The following ROS1 variants were observed in gnomAD, a reference collection of about 807,000 sequenced individuals.
ROS1 encodes ROS proto-oncogene 1, receptor tyrosine kinase, also known as proto-oncogene tyrosine-protein kinase ROS.
Under a neutral mutation model 273.5 loss-of-function variants are expected in ROS1, and 263 were observed. The ratio of observed to expected loss-of-function variants is 0.96; its 90% CI spans 0.87 to 1.06. The LOEUF (loss-of-function observed/expected upper bound fraction) is 1.06, where lower values mean the gene tolerates loss of function less well. Among genes scored for constraint, ROS1 ranks in the 50% least tolerant of loss-of-function variants. The pLI is 0.00. For missense variants in ROS1, 2,833 were observed against 2,751.1 expected (o/e 1.03, Z -0.67); for synonymous variants, 1,008 against 954.1 (o/e 1.06, Z -1.04).
intron 24 of ROS1, among the ~76,000 whole-genome samples, chr6:117,359,183 TACC>T (rs1779575212): frequency 6.6e-6 from 1 of 152,188 alleles, no homozygotes; most frequent in African/African-American, 2.4e-5. Flanking sequence ...TTTTCCATTC[TACC>T]ACCACCAAGC....
At chr6:117,313,569 T>A (rs142184481) in intron 39 of ROS1, among the ~76,000 whole-genome samples, 3,944 of 148,412 alleles carry the variant, frequency 0.027, 178 homozygotes, top group African/African-American at 0.092. Context: ...AAAGACTCTG[T>A]CCAAAAAAAA....
rs1202390995 is a variant in ROS1 at position 117,409,593 on chromosome 6, T to A, written c.305A>T (p.Glu102Val). 1 of 1,613,738 alleles carries A rather than the reference T, an allele frequency of 6.2e-7. No homozygotes were observed. Among genetic ancestry groups the A allele is most frequent in the Admixed American group, 1.7e-5 (1 of 59,972 alleles). Residue 102 changes from glutamate to valine, a missense_variant, in exon 5 of 44, where the codon GAG becomes GTG. Transcript: ENST00000368507. ...GTGTGTCCTCTTACCCAGTACTTCCTCTTCATATGCACCTTCCGCGCTGCT... is the reference window on the plus strand; with the variant it reads ...GTGTGTCCTCTTACCCAGTACTTCCACTTCATATGCACCTTCCGCGCTGCT... ...GCSSAEGAYE[E>V]EVLENADLPT...
chr6:117,403,070 A>G (rs924791997), intron 7 of ROS1, 69 bp downstream of exon 7: 1 of 1,537,306 alleles, frequency 6.5e-7, no homozygotes, highest in African/African-American at 1.4e-5. Flanking sequence ...TTCATTGTTT[A>G]AAATAAAAAC....
At chr6:117,369,551 G>A (rs1780574146) in intron 18 of ROS1, among the ~76,000 whole-genome samples, 4 of 151,440 alleles carry the variant, frequency 2.6e-5, no homozygotes, top group South Asian at 2.1e-4. Flanking sequence ...CAGCCTGGGC[G>A]ACAGAGCGAG....
chr6:117,387,959 AC>A lies in ROS1; in HGVS notation c.1819del (p.Val607Ter). 6.2e-7 allele frequency: 1 copy of A among 1,614,106 alleles called. No individual in the cohort carries two copies. Among genetic ancestry groups the A allele is most frequent in the East Asian group, 2.2e-5 (1 of 44,876 alleles). On this transcript the variant is annotated frameshift_variant, in exon 14 of 44. Coordinates refer to ENST00000368507, the MANE Select transcript of ROS1 (RefSeq NM_001378902.1). LOFTEE classifies it high-confidence loss of function. ...PSAWQNWTYE[V>X]KVSTQDPPEV... Reference sequence around the variant, plus strand: ...AGGAGGGTCTTGGGTGGATACTTTCACCTCATAGGTCCAGTTCTGCCAGGCA... The same window carrying A: ...AGGAGGGTCTTGGGTGGATACTTTCACTCATAGGTCCAGTTCTGCCAGGCA...
intron 11 of ROS1, among the ~76,000 whole-genome samples, chr6:117,393,753 TC>T (rs1012604462): frequency 1.3e-5 from 2 of 152,174 alleles, no homozygotes; most frequent in Non-Finnish European, 2.9e-5. Flanking sequence ...AAAATGGTCT[TC>T]CGAAAAGTAC....
chr6:117,317,589 T>G (rs905813046), intron 38 of ROS1, among the ~76,000 whole-genome samples: 2 of 152,134 alleles, frequency 1.3e-5, no homozygotes, highest in Non-Finnish European at 2.9e-5. Context: ...CATTGGGTTT[T>G]GGGTCATTAC....
At chr6:117,305,580 T>C (rs926277034) in intron 42 of ROS1, among the ~76,000 whole-genome samples, 3 of 152,186 alleles carry the variant, frequency 2.0e-5, no homozygotes, top group African/African-American at 4.8e-5. Context: ...TGTTCCACCA[T>C]GTAGGGACAA....
intron 12 of ROS1, 150 bp from the exon 13 acceptor site, chr6:117,389,996 T>G: frequency 1.5e-6 from 1 of 683,934 alleles, no homozygotes; most frequent in Non-Finnish European, 2.4e-6. Flanking sequence ...AAAAAGGTAA[T>G]TTCCTAAGAT....
chr6:117,302,829 C>T (rs1031362138), intron 42 of ROS1, among the ~76,000 whole-genome samples: 19 of 152,150 alleles, frequency 1.2e-4, no homozygotes, highest in African/African-American at 4.1e-4. Context: ...CTTTGTAATT[C>T]TCCCAAACTA....
At chr6:117,333,650 C>T (rs1203466366) in intron 32 of ROS1, among the ~76,000 whole-genome samples, 7 of 152,126 alleles carry the variant, frequency 4.6e-5, no homozygotes, top group South Asian at 4.1e-4. Flanking sequence ...ACGAACAAGT[C>T]GGCTTCATCC....
intron 16 of ROS1, among the ~76,000 whole-genome samples, chr6:117,383,724 T>C (rs1772344660): frequency 6.6e-6 from 1 of 152,208 alleles, no homozygotes; most frequent in African/African-American, 2.4e-5. Flanking sequence ...TTATCTGTTT[T>C]CATGCCTCCA....
At chr6:117,288,874 C>T (rs1773625286) in intron 43 of ROS1, 72 bp from the exon 44 acceptor site, 1 of 1,229,688 alleles carries the variant, frequency 8.1e-7, no homozygotes, top group Non-Finnish European at 1.1e-6. Context: ...CAAGCTATAT[C>T]AGAATTATAG....
At position 117,389,589 on chromosome 6, in the gene ROS1, T is replaced by A. The variant is rs761338135; in HGVS notation, c.1547A>T (p.Asn516Ile). The change falls in exon 13 of 44, where the codon AAT (asparagine) becomes ATT (isoleucine). Residue 516 changes from asparagine to isoleucine, a missense_variant. Transcript: ENST00000368507. ...ADVKSFACEN[N>I]DFLVTDGKVI... The stretch of plus-strand genomic sequence containing the variant: ...CTTGCCATCTGTGACAAGAAAGTCA[T>A]TGTTTTCACAAGCAAAACTTTTCAC... The A allele has an allele frequency of 6.2e-6, 10 of 1,614,228 alleles. No individual in the cohort carries two copies. In the South Asian group the frequency reaches 9.9e-5, roughly 16 times the overall value.
chr6:117,356,515 A>T, intron 26 of ROS1, 114 bp downstream of exon 26: 4 of 968,394 alleles, frequency 4.1e-6, no homozygotes, highest in Non-Finnish European at 6.0e-6. Flanking sequence ...GGCATGGTAC[A>T]GAGCAAATAT....
chr6:117,390,576 T>C (rs1772987008), intron 12 of ROS1, among the ~76,000 whole-genome samples: 2 of 152,262 alleles, frequency 1.3e-5, no homozygotes, highest in Non-Finnish European at 2.9e-5. Context: ...TTCTGAGTGA[T>C]AAATGGAAGA....
At chr6:117,385,139 C>G (rs1772454859) in intron 16 of ROS1, among the ~76,000 whole-genome samples, 1 of 152,122 alleles carries the variant, frequency 6.6e-6, no homozygotes, top group Admixed American at 6.5e-5. Context: ...ATGCCATGTT[C>G]CTGCCAAGAA....
At chr6:117,351,014 A>G (rs1386817760) in intron 27 of ROS1, among the ~76,000 whole-genome samples, 1 of 152,072 alleles carries the variant, frequency 6.6e-6, no homozygotes, top group Non-Finnish European at 1.5e-5. Context: ...TATCTCTTCA[A>G]TCTGTGTTTT....
chr6:117,375,999 A>G (rs1415363807), intron 18 of ROS1, among the ~76,000 whole-genome samples: 1 of 152,110 alleles, frequency 6.6e-6, no homozygotes, highest in African/African-American at 2.4e-5. Context: ...AGCTAGAAAA[A>G]GAACAGAAAA....
Sources: gnomAD v4.1 joint callset for allele counts (sites outside exome capture counted in the v4.1 genomes callset) on GRCh38, gnomAD v4.1.1 for gene constraint, MANE v1.5 for transcripts, NCBI Gene and HGNC (gene_info 2026-07-23, HGNC 2026-07-21) for gene names.